Variants in ATP7A observed in about 807,000 individuals in gnomAD.
ATP7A encodes the protein ATPase copper transporting alpha, also known as copper-transporting ATPase 1.
Under a neutral mutation model 83.5 loss-of-function variants are expected in ATP7A, and 7 were observed. The observed-to-expected ratio is 0.08, with a 90% CI of 0.05 to 0.16. The LOEUF is 0.16. ATP7A is among the 10% of genes least tolerant of loss of function. The probability of loss-of-function intolerance (pLI) is 1.00; values close to 1 mark genes in which losing one functional copy is unlikely to be tolerated. For missense variants in ATP7A, 940 were observed against 1,120.8 expected (o/e 0.84, Z 2.30); for synonymous variants, 354 against 395.2 (o/e 0.90, Z 1.24).
At chrX:77,914,461 G>A (rs1247185415) in intron 1 of ATP7A, among the ~76,000 whole-genome samples, 1 of 110,986 alleles carries the variant, frequency 9.0e-6, no homozygotes, top group Non-Finnish European at 1.9e-5. Flanking sequence ...GTGCAGTGGT[G>A]CTATCTCGGC....
intron 1 of ATP7A, among the ~76,000 whole-genome samples, chrX:77,925,274 TA>T (rs1377868812): frequency 5.4e-5 from 6 of 111,627 alleles, no homozygotes; most frequent in African/African-American, 2.0e-4. Context: ...TTAACTGCTT[TA>T]AAAAAAAGTA....
In ATP7A at chrX:77,989,564, T is replaced by C. The variant is rs2149083195; in HGVS notation, c.942T>C (p.Asn314=). ...GCAGCATAGTAGTTTCTTTAGAGAA[T>C]AGGTCTGCCATTGTGAAGTATAATG... ...YVSSIVVSLE[N]RSAIVKYNAS... Residue 314 remains asparagine, a synonymous_variant, in exon 4 of 23, where the codon AAT becomes AAC. Coordinates refer to ENST00000341514, the MANE Select transcript of ATP7A (RefSeq NM_000052.7). The C allele has an allele frequency of 8.3e-7, 1 of 1,211,776 alleles. No individual in the cohort carries two copies.
intron 1 of ATP7A, among the ~76,000 whole-genome samples, chrX:77,930,307 A>T (rs1339463709): frequency 8.9e-6 from 1 of 111,962 alleles, no homozygotes; most frequent in East Asian, 2.8e-4. Context: ...GAGCTCCTGG[A>T]CAGTGGGGTA....
chrX:77,975,780 C>T (rs1216047313), intron 2 of ATP7A: 2 of 111,734 alleles, frequency 1.8e-5, no homozygotes, highest in Non-Finnish European at 3.8e-5. Flanking sequence ...CATGAGCCAC[C>T]ACGCCCAGCC....
chrX:77,912,684 T>C (rs2077166816), intron 1 of ATP7A, among the ~76,000 whole-genome samples: 1 of 112,301 alleles, frequency 8.9e-6, no homozygotes, highest in Non-Finnish European at 1.9e-5. Context: ...TGATTGAGTG[T>C]TGTGCCTTAA....
intron 17 of ATP7A, among the ~76,000 whole-genome samples, chrX:78,035,210 G>A (rs782470674): frequency 4.5e-5 from 5 of 110,914 alleles, no homozygotes; most frequent in Non-Finnish European, 7.6e-5. Flanking sequence ...TTCCACTACC[G>A]CTCTAAAATC....
rs797045335 is a variant in ATP7A at position 78,009,091 on chromosome X, G to T, written c.1708-11G>T. On this transcript the variant is annotated splice_polypyrimidine_tract_variant and intron_variant, in intron 6 of 22. Transcript: ENST00000341514. ...TATATTCCTGAAGAACAAATGCTTT[G>T]TCTTTAACAGGTGAGGGGAATGACG... The T allele has an allele frequency of 8.4e-7, 1 of 1,197,198 alleles. No homozygotes were observed. Among genetic ancestry groups the T allele is most frequent in the Non-Finnish European group, 1.1e-6 (1 of 885,333 alleles).
At chrX:77,993,211 G>A (rs2077679969) in intron 4 of ATP7A, among the ~76,000 whole-genome samples, 1 of 111,711 alleles carries the variant, frequency 9.0e-6, no homozygotes, top group African/African-American at 3.3e-5. Context: ...TTCAAATGTG[G>A]TATCTGTCAT....
intron 2 of ATP7A, among the ~76,000 whole-genome samples, chrX:77,986,559 C>T (rs781822402): frequency 6.3e-5 from 7 of 111,108 alleles, no homozygotes; most frequent in Non-Finnish European, 1.1e-4. Flanking sequence ...TCCTGATTTC[C>T]TCCTCTCTTT....
chrX:77,968,911 A>G, intron 1 of ATP7A: 1 of 1,210,226 alleles, frequency 8.3e-7, no homozygotes, highest in South Asian at 1.8e-5. Flanking sequence ...CACAGCTTCT[A>G]TGGCTTTGCA....
chrX:77,927,178 T>G (rs2077246449), intron 1 of ATP7A, among the ~76,000 whole-genome samples: 1 of 112,053 alleles, frequency 8.9e-6, no homozygotes, highest in African/African-American at 3.2e-5. Flanking sequence ...ATGAAGAAAG[T>G]AGAAATCACT....
At chrX:77,962,959 T>C in intron 1 of ATP7A, 1 of 285,095 alleles carries the variant, frequency 3.5e-6, no homozygotes, top group South Asian at 3.5e-5. Context: ...ATATGATCAT[T>C]TCACATGTGC....
At chrX:77,915,112 C>T (rs1557222374) in intron 1 of ATP7A, among the ~76,000 whole-genome samples, 3 of 111,300 alleles carry the variant, frequency 2.7e-5, no homozygotes, top group Non-Finnish European at 1.9e-5. Flanking sequence ...CCCAGGCGTT[C>T]GAGACCAGCC....
At chrX:77,965,557 G>GC in intron 1 of ATP7A, 1 of 171,495 alleles carries the variant, frequency 5.8e-6, no homozygotes, top group African/African-American at 3.1e-5. Context: ...CTGCTCATGG[G>GC]AGTATAAATG....
chrX:77,919,224 G>A (rs1557222862), intron 1 of ATP7A, among the ~76,000 whole-genome samples: 1 of 111,686 alleles, frequency 9.0e-6, no homozygotes, highest in Non-Finnish European at 1.9e-5. Context: ...AACAAACTGT[G>A]ACTTTGGACA....
At chrX:77,954,572 C>A (rs988370733) in intron 1 of ATP7A, among the ~76,000 whole-genome samples, 1 of 111,888 alleles carries the variant, frequency 8.9e-6, no homozygotes, top group African/African-American at 3.2e-5. Context: ...GATTAATTTT[C>A]ATTTTAAAGG....
At chrX:77,954,029 G>A in intron 1 of ATP7A, among the ~76,000 whole-genome samples, 1 of 112,471 alleles carries the variant, frequency 8.9e-6, no homozygotes, top group Non-Finnish European at 1.9e-5. Context: ...AATGACCAGT[G>A]AAGTACATTG....
intron 1 of ATP7A, among the ~76,000 whole-genome samples, chrX:77,942,790 T>C (rs1451373105): frequency 9.1e-6 from 1 of 110,167 alleles, no homozygotes; most frequent in Non-Finnish European, 1.9e-5. Flanking sequence ...AAATGGATTT[T>C]TCTAGCTTTT....
chrX:77,913,537 T>C lies in ATP7A; in HGVS notation c.-22+2702T>C, dbSNP rs782407901. ...TCTTCAGGTTGATTTAATGTGATAT[T>C]ACTTGCTTACTTAACTTGCTGAGAT... On this transcript the variant is annotated intron_variant, in intron 1 of 22. Coordinates refer to ENST00000341514, the MANE Select transcript of ATP7A (RefSeq NM_000052.7). Among the ~76,000 whole-genome samples the C allele has an allele frequency of 4.5e-5, 5 of 112,115 alleles. No individual in the cohort carries two copies. In the East Asian group the frequency reaches 1.4e-3, roughly 31 times the overall value.
Sources: gnomAD v4.1 joint callset for allele counts (sites outside exome capture counted in the v4.1 genomes callset) on GRCh38, gnomAD v4.1.1 for gene constraint, MANE v1.5 for transcripts, NCBI Gene and HGNC (gene_info 2026-07-23, HGNC 2026-07-21) for gene names.